HR: variants seen among roughly 807,000 people sequenced by gnomAD.
The protein encoded by HR is lysine-specific demethylase hairless.
Under a neutral mutation model 128.6 loss-of-function variants are expected in HR, and 83 were observed. The ratio of observed to expected loss-of-function variants is 0.65; its 90% CI spans 0.54 to 0.77. The LOEUF is 0.77. HR is among the 30% of genes least tolerant of loss of function. HR has a pLI of 0.00. For synonymous variants in HR, 681 were observed against 658.2 expected, an observed-to-expected ratio of 1.03 and a Z score of -0.53; for missense variants, 1,490 against 1,574.6, an observed-to-expected ratio of 0.95 and a Z score of 0.91.
rs762258771 is a variant in HR, at chr8:22,127,160, G to A, written c.1282C>T (p.Pro428Ser). ...EVQGAMGSPA[P>S]KRPPDPFPGT... ...GGAAAAGGGTCCGGTGGCCGCTTGG[G>A]GGCTGGACTGCCCATTGCTCCCTGG... The change falls in exon 3 of 19, where the codon CCC becomes TCC. Residue 428 changes from proline (P) to serine (S), a missense_variant. Physicochemically the swap from Pro to Ser is moderately conservative, Grantham distance 74. Coordinates refer to ENST00000381418, the MANE Select transcript of HR (RefSeq NM_005144.5). 7 of 1,612,690 alleles carry A rather than the reference G, an allele frequency of 4.3e-6. No homozygotes were observed. Among genetic ancestry groups the A allele is most frequent in the South Asian group, 2.2e-5 (2 of 91,056 alleles).
Position 22,129,006 on chromosome 8 carries a change from G to A in HR, c.165C>T (p.Ser55=). 1 of 1,612,044 alleles carries A rather than the reference G, an allele frequency of 6.2e-7. No individual in the cohort carries two copies. The highest frequency in any genetic ancestry group is 8.5e-7 in the Non-Finnish European group (1 of 1,179,230). The part of the protein sequence containing the change: ...EPAPFWRGVL[S]TPDSWLPPGF... The stretch of plus-strand genomic sequence containing the variant: ...CAGGGGGAAGCCAGGAGTCTGGGGT[G>A]CTCAGGACGCCCCTCCAAAAGGGAG... The change falls in exon 2 of 19, where the codon AGC becomes AGT. Residue 55 remains serine, a synonymous_variant. Transcript: ENST00000381418.
intron 16 of HR, chr8:22,118,337 C>G (rs1826643894): frequency 6.4e-6 from 1 of 155,344 alleles, no homozygotes; most frequent in Admixed American, 6.4e-5. Context: ...CACCCCATCA[C>G]CTTCCCCTTC....
intron 6 of HR, 33 bp downstream of exon 6, chr8:22,123,616 A>ACCCCCCC: frequency 1.8e-6 from 1 of 562,348 alleles, no homozygotes. Flanking sequence ...TGAGGGCTCC[A>ACCCCCCC]TCCCGCCCTC....
At chr8:22,122,026 G>T (rs1826767372) in intron 8 of HR, among the ~76,000 whole-genome samples, 1 of 152,094 alleles carries the variant, frequency 6.6e-6, no homozygotes, top group African/African-American at 2.4e-5. Flanking sequence ...ACAGTGTCTG[G>T]AACCCAAAAT....
At chr8:22,117,107 T>C in intron 16 of HR, 68 bp from the exon 17 acceptor site, 1 of 1,409,782 alleles carries the variant, frequency 7.1e-7, no homozygotes, top group Non-Finnish European at 9.3e-7. Context: ...GGATGGGGCA[T>C]GGACTTTCCA....
chr8:22,123,095 C>T (rs1297842226), intron 6 of HR, among the ~76,000 whole-genome samples: 1 of 152,188 alleles, frequency 6.6e-6, no homozygotes, highest in Non-Finnish European at 1.5e-5. Context: ...GGTCCTTAGG[C>T]TAACCATGTG....
chr8:22,128,838 G>A lies in HR; in HGVS notation c.333C>T (p.Cys111=), dbSNP rs143223831. ...EAMLTHPLAF[C]GPACPPRCGP... ...CACAGCGAGGTGGGCACGCTGGCCC[G>A]CAGAATGCCAGCGGATGGGTAAGCA... The change falls in exon 2 of 19, where the codon TGC becomes TGT. Residue 111 remains cysteine (C), a synonymous_variant. Coordinates refer to ENST00000381418, the MANE Select transcript of HR (RefSeq NM_005144.5). 3.8e-4 allele frequency: 618 copies of A among 1,613,366 alleles called. No homozygotes were observed. The highest frequency in any genetic ancestry group is 3.0e-3 in the East Asian group (134 of 44,882).
rs569359459 is a variant in HR at position 22,123,675 on chromosome 8, C to T, written c.1889G>A (p.Gly630Asp). The part of the protein sequence containing the change: ...RLCVACGRVA[G>D]TGRAREKAGF... ...TGCTTTCTCCCTGGCCCGCCCAGTGCCTGCCACACGACCACAGGCCACACA... is the reference window on the plus strand; with the variant it reads ...TGCTTTCTCCCTGGCCCGCCCAGTGTCTGCCACACGACCACAGGCCACACA... The change falls in exon 6 of 19, where the codon GGC becomes GAC. Residue 630 changes from glycine (G) to aspartate (D), a missense_variant. Transcript: ENST00000381418. The T allele has an allele frequency of 1.1e-4, 162 of 1,540,676 alleles. No individual in the cohort carries two copies. The South Asian group carries it at 1.7e-3, about 16-fold the overall frequency.
At chr8:22,123,504 G>T in intron 6 of HR, 145 bp downstream of exon 6, 1 of 765,902 alleles carries the variant, frequency 1.3e-6, no homozygotes, top group Non-Finnish European at 2.1e-6. Context: ...TCTGCTCTAA[G>T]GGCATTGAGC....
chr8:22,123,617 T>TCTCCCCCCCCC, intron 6 of HR, 32 bp downstream of exon 6: 1 of 292,092 alleles, frequency 3.4e-6, no homozygotes, highest in Non-Finnish European at 6.2e-6. Context: ...GAGGGCTCCA[T>TCTCCCCCCCCC]CCCGCCCTCC....
In HR at chr8:22,116,489, G is replaced by T. The variant is rs1586367770; in HGVS notation, c.3379-61C>A. On this transcript the variant is annotated intron_variant, in intron 17 of 18. Transcript: ENST00000381418. This position sits in a 1 kb window ranked among gnomAD's most constrained non-coding sequence, Gnocchi z 4.2. Reference sequence around the variant, plus strand: ...TCACACATCCTCTCCCTGTCCCCCTGGTCCCTGAGGTTCGCTTCCTCTAAT... The same window carrying T: ...TCACACATCCTCTCCCTGTCCCCCTTGTCCCTGAGGTTCGCTTCCTCTAAT... 6.3e-7 allele frequency: 1 copy of T among 1,577,700 alleles called. No individual in the cohort carries two copies. Among genetic ancestry groups the T allele is most frequent in the East Asian group, 2.3e-5 (1 of 42,602 alleles).
chr8:22,129,086 C>T lies in HR; in HGVS notation c.85G>A (p.Gly29Ser), dbSNP rs774239265. 6.7e-5 allele frequency: 106 copies of T among 1,575,348 alleles called. 1 individual carries two copies. Among genetic ancestry groups the T allele is most frequent in the Middle Eastern group, 3.4e-4 (2 of 5,888 alleles). ...TGCAGTCCATCTCGAGGCGGGCTGC[C>T]GGGCTCCTGTCTCACGATGCCGTTC... ...PENGIVRQEP[G>S]SPPRDGLHHG... Residue 29 changes from glycine to serine, a missense_variant, in exon 2 of 19, where the codon GGC (glycine) becomes AGC (serine). By Grantham distance (56) the Gly-to-Ser change is moderately conservative. Transcript: ENST00000381418.
rs140189232 is a variant in HR at position 22,116,857 on chromosome 8, C to T, written c.3378+18G>A. The T allele has an allele frequency of 1.1e-3, 1,763 of 1,564,458 alleles. 23 individuals are homozygous for T. In the African/African-American group the frequency reaches 0.021, roughly 18 times the overall value. ...CCATCCTGATCTCCCCGCAGAGCCCCTGCCCGCTGGGAAGCACCTGGTGGG... is the reference window on the plus strand; with the variant it reads ...CCATCCTGATCTCCCCGCAGAGCCCTTGCCCGCTGGGAAGCACCTGGTGGG... On this transcript the variant is annotated intron_variant, in intron 17 of 18. Transcript: ENST00000381418. The surrounding 1 kb of genome is among the most constrained non-coding windows in gnomAD (Gnocchi z 4.2).
At position 22,119,291 on chromosome 8, in the gene HR, G is replaced by A. The variant is rs370343043; in HGVS notation, c.2978-8C>T. On this transcript the variant is annotated splice_polypyrimidine_tract_variant and splice_region_variant and intron_variant, in intron 14 of 18. Transcript: ENST00000381418. Reference sequence around the variant, plus strand: ...CCCGGTGCGGGCTCACACCTGCATGGCAATAGAGAAAGAACAGTTAGAAAT... The same window carrying A: ...CCCGGTGCGGGCTCACACCTGCATGACAATAGAGAAAGAACAGTTAGAAAT... 4.2e-5 allele frequency: 68 copies of A among 1,613,422 alleles called. No individual in the cohort carries two copies. The African/African-American group carries it at 7.7e-4, about 18-fold the overall frequency.
chr8:22,120,654 C>A, intron 11 of HR, 62 bp downstream of exon 11: 1 of 1,537,898 alleles, frequency 6.5e-7, no homozygotes, highest in Non-Finnish European at 8.7e-7. Context: ...GGCCTAGGGA[C>A]CAAGGCCCCG....
Position 22,127,062 on chromosome 8 carries a change from G to A in HR, c.1380C>T (p.Asp460=), listed in dbSNP as rs147308644. ...RDTSIGNKDV[D]SGQHDEQKGP... ...CTTTCTGCTCATCATGCTGTCCCGA[G>A]TCCACATCCTTGTTCCCTATCGATG... Residue 460 remains aspartate, a synonymous_variant, in exon 3 of 19, where the codon GAC becomes GAT. Transcript: ENST00000381418. 1.3e-3 allele frequency: 2,087 copies of A among 1,612,402 alleles called. 35 individuals carry two copies. In the Admixed American group the frequency reaches 0.026, roughly 20 times the overall value.
In HR at chr8:22,120,441, C is replaced by T; in HGVS notation, c.2677G>A (p.Ala893Thr). The T allele has an allele frequency of 6.2e-7, 1 of 1,614,034 alleles. No individual in the cohort carries two copies. Among genetic ancestry groups the T allele is most frequent in the Non-Finnish European group, 8.5e-7 (1 of 1,180,016 alleles). Residue 893 changes from alanine to threonine, a missense_variant, in exon 12 of 19, where the codon GCA becomes ACA. Coordinates refer to ENST00000381418, the MANE Select transcript of HR (RefSeq NM_005144.5). ...GNLWGTEALG[A>T]LGGQVQALSP... Reference sequence around the variant, plus strand: ...AGCGCCTGCACCTGGCCTCCAAGTGCCCCAAGAGCTTCTGTCCCCCACAGG... The same window carrying T: ...AGCGCCTGCACCTGGCCTCCAAGTGTCCCAAGAGCTTCTGTCCCCCACAGG...
At position 22,116,536 on chromosome 8, in the gene HR, G is replaced by A; in HGVS notation, c.3379-108C>T. On this transcript the variant is annotated intron_variant, in intron 17 of 18. Transcript: ENST00000381418. The surrounding 1 kb of genome is among the most constrained non-coding windows in gnomAD (Gnocchi z 4.2). The stretch of plus-strand genomic sequence containing the variant: ...TAATGACAACCACCCCCGACCCCTG[G>A]CTCTCAGAGAGCAGATTCCTGGATG... The A allele has an allele frequency of 6.8e-7, 1 of 1,471,952 alleles. No individual in the cohort carries two copies. 91.2% of individuals were successfully genotyped at this position (1,471,952 alleles called of 1,614,324 possible).
intron 3 of HR, among the ~76,000 whole-genome samples, chr8:22,126,547 C>G (rs190166584): frequency 6.6e-6 from 1 of 152,238 alleles, no homozygotes. Flanking sequence ...TTGTGGCACA[C>G]GCAGTCATCA....
Sources: gnomAD v4.1 joint callset for allele counts (sites outside exome capture counted in the v4.1 genomes callset) on GRCh38, gnomAD v4.1.1 for gene constraint, Gnocchi (gnomAD v3.1) non-coding constraint, MANE v1.5 for transcripts, NCBI Gene and HGNC (gene_info 2026-07-23, HGNC 2026-07-21) for gene names.